The following AGAP1 variants were observed in gnomAD, a reference collection of about 807,000 sequenced individuals.
AGAP1 encodes arf-GAP with GTPase, ANK repeat and PH domain-containing protein 1.
A neutral mutation model predicts 105.3 loss-of-function variants in AGAP1; 29 were observed. That is an observed-to-expected ratio of 0.28 (90% CI 0.21 to 0.38). AGAP1 has a LOEUF of 0.38. AGAP1 is among the 10% of genes least tolerant of loss of function. The pLI, the probability that AGAP1 is intolerant of heterozygous loss-of-function variation, is 1.00. For synonymous variants in AGAP1, 509 were observed against 485.9 expected (o/e 1.05, Z -0.63); for missense variants, 998 against 1,165.1 (o/e 0.86, Z 2.09).
At position 235,720,570 on chromosome 2, in the gene AGAP1, T is replaced by G. The variant is rs968207308; in HGVS notation, c.310+2926T>G. 5.6e-6 allele frequency: 4 copies of G among 709,984 alleles called. No homozygotes were observed. Among genetic ancestry groups the G allele is most frequent in the Non-Finnish European group, 6.9e-6 (4 of 579,174 alleles). 44.0% of individuals were successfully genotyped at this position (709,984 alleles called of 1,614,324 possible). A position where few individuals can be genotyped will look rare whatever the true frequency, so the allele number is the denominator to read the frequency against. On this transcript the variant is annotated intron_variant, in intron 3 of 17. Coordinates refer to ENST00000304032, the MANE Select transcript of AGAP1 (RefSeq NM_001037131.3). The surrounding 1 kb of genome is among the most constrained non-coding windows in gnomAD (Gnocchi z 5.0). ...TGCTGCCTTCTCATCAGACCTCCTT[T>G]CCTCTTACAACTGCTAGAGCGATCA...
intron 11 of AGAP1, among the ~76,000 whole-genome samples, chr2:235,917,234 A>C (rs903221383): frequency 6.6e-6 from 1 of 151,710 alleles, no homozygotes; most frequent in African/African-American, 2.4e-5. Context: ...GTTGAAGCTG[A>C]TTTTCCAGGG....
In AGAP1 at chr2:235,714,218, G is replaced by C. The variant is rs1363140631; in HGVS notation, c.223-3339G>C. ...TTTAGTTGAGACAGGGTTTCACCAT[G>C]TTGGCCAGTCTGGTCTTGAACTCCT... is the stretch of plus-strand genomic sequence containing the variant. On this transcript the variant is annotated intron_variant, in intron 2 of 17. Transcript: ENST00000304032. The surrounding 1 kb of genome is among the most constrained non-coding windows in gnomAD (Gnocchi z 4.1). Among the ~76,000 whole-genome samples, 1 of 151,988 alleles carries C rather than the reference G, an allele frequency of 6.6e-6. No individual in the cohort carries two copies. Among genetic ancestry groups the C allele is most frequent in the African/African-American group, 2.4e-5 (1 of 41,392 alleles).
chr2:235,889,609 C>T lies in AGAP1; in HGVS notation c.1155+6160C>T, dbSNP rs2050434401. Among the ~76,000 whole-genome samples the T allele has an allele frequency of 6.6e-6, 1 of 151,078 alleles. No homozygotes were observed. The highest frequency in any genetic ancestry group is 1.5e-5 in the Non-Finnish European group (1 of 67,892). On this transcript the variant is annotated intron_variant, in intron 10 of 17. Coordinates refer to ENST00000304032, the MANE Select transcript of AGAP1 (RefSeq NM_001037131.3). This position sits in a 1 kb window ranked among gnomAD's most constrained non-coding sequence, Gnocchi z 4.6. ...TCCTTACATAGATTGTTTAGGAGACCAGTAATCCCTAGTTCCTTTGACTTG... is the reference window on the plus strand; with the variant it reads ...TCCTTACATAGATTGTTTAGGAGACTAGTAATCCCTAGTTCCTTTGACTTG...
At chr2:235,637,004 G>A (rs1947025803) in intron 1 of AGAP1, among the ~76,000 whole-genome samples, 1 of 152,122 alleles carries the variant, frequency 6.6e-6, no homozygotes, top group Admixed American at 6.5e-5. Flanking sequence ...GCCCCTAAAG[G>A]AACCCGCCCT....
In AGAP1 at chr2:236,036,606, A is replaced by G; in HGVS notation, c.1691A>G (p.Gln564Arg). 1.2e-6 allele frequency: 2 copies of G among 1,614,234 alleles called. No homozygotes were observed. Among genetic ancestry groups the G allele is most frequent in the African/African-American group, 1.3e-5 (1 of 75,064 alleles). ...TTTATCATTGTGTCCCTCACTGGCC[A>G]AACATGGCACTTTGAAGCCACGACG... ...FEFIIVSLTG[Q>R]TWHFEATTYE... The change falls in exon 14 of 18, where the codon CAA becomes CGA. Residue 564 changes from glutamine to arginine, a missense_variant. By Grantham distance (43) the Gln-to-Arg change is conservative. This residue lies in a region of AGAP1 where 735 missense variants were observed against 833.4 expected (regional missense o/e 0.88). Coordinates refer to ENST00000304032, the MANE Select transcript of AGAP1 (RefSeq NM_001037131.3). The surrounding 1 kb of genome is among the most constrained non-coding windows in gnomAD (Gnocchi z 5.7).
rs1468913761 is a variant in AGAP1, at chr2:236,078,120, G to T, written c.2114+28839G>T. On this transcript the variant is annotated intron_variant, in intron 16 of 17. Coordinates refer to ENST00000304032, the MANE Select transcript of AGAP1 (RefSeq NM_001037131.3). The surrounding 1 kb of genome is among the most constrained non-coding windows in gnomAD (Gnocchi z 5.3). The stretch of plus-strand genomic sequence containing the variant: ...GGCCAGCTGGTGTGTGTGTGCATGT[G>T]TGTAATCTGAAGTGTGTAGGGCAGG... Among the ~76,000 whole-genome samples the T allele has an allele frequency of 6.6e-6, 1 of 151,232 alleles. No individual in the cohort carries two copies. The highest frequency in any genetic ancestry group is 1.9e-4 in the East Asian group (1 of 5,156).
intron 1 of AGAP1, among the ~76,000 whole-genome samples, chr2:235,636,215 C>T (rs1259324235): frequency 6.6e-6 from 1 of 152,116 alleles, no homozygotes; most frequent in Non-Finnish European, 1.5e-5. Context: ...TTTCATCCAG[C>T]TTGGTTCTGG....
In AGAP1 at chr2:235,787,964, A is replaced by G. The variant is rs913566609; in HGVS notation, c.674-9795A>G. Among the ~76,000 whole-genome samples the G allele has an allele frequency of 2.6e-5, 4 of 152,176 alleles. No individual in the cohort carries two copies. Among genetic ancestry groups the G allele is most frequent in the African/African-American group, 7.2e-5 (3 of 41,432 alleles). On this transcript the variant is annotated intron_variant, in intron 6 of 17. Transcript: ENST00000304032. This position sits in a 1 kb window ranked among gnomAD's most constrained non-coding sequence, Gnocchi z 4.4. The stretch of plus-strand genomic sequence containing the variant: ...GCAAGGCCAAGAGCATTGTAAGACC[A>G]AGAGCATGACCATGAACATTCTGGG...
At chr2:235,975,915 A>T (rs2054840537) in intron 13 of AGAP1, among the ~76,000 whole-genome samples, 1 of 152,244 alleles carries the variant, frequency 6.6e-6, no homozygotes, top group Admixed American at 6.5e-5. Context: ...CTTATTAATT[A>T]AACTTCCTTA....
intron 11 of AGAP1, among the ~76,000 whole-genome samples, chr2:235,915,828 A>G (rs1349558714): frequency 1.3e-5 from 2 of 152,242 alleles, no homozygotes; most frequent in Non-Finnish European, 2.9e-5. Flanking sequence ...GCTAGAAGCA[A>G]GTAAGGATAT....
Position 236,131,727 on chromosome 2 carries a change from A to G in AGAP1, c.*7605A>G, listed in dbSNP as rs902286741. 6.6e-6 allele frequency: 1 copy of G among 152,174 alleles called. No individual in the cohort carries two copies. Among genetic ancestry groups the G allele is most frequent in the Non-Finnish European group, 1.5e-5 (1 of 68,038 alleles). 9.4% of individuals were successfully genotyped at this position (152,174 alleles called of 1,614,324 possible). ...GGGAAAAAGAAAAAGAAAGATGTGT[A>G]AAGTAACAGAGAGAGGTGGCTATGG... On this transcript the variant is annotated 3_prime_UTR_variant, in exon 18 of 18. Coordinates refer to ENST00000304032, the MANE Select transcript of AGAP1 (RefSeq NM_001037131.3). The surrounding 1 kb of genome is among the most constrained non-coding windows in gnomAD (Gnocchi z 5.9).
At chr2:235,534,414 T>C (rs1048472590) in intron 1 of AGAP1, among the ~76,000 whole-genome samples, 1 of 152,134 alleles carries the variant, frequency 6.6e-6, no homozygotes, top group African/African-American at 2.4e-5. Context: ...TTGGATTAAA[T>C]GTACACCTAA....
chr2:235,648,507 C>T (rs949497132), intron 1 of AGAP1, among the ~76,000 whole-genome samples: 4 of 152,084 alleles, frequency 2.6e-5, no homozygotes, highest in East Asian at 1.9e-4. Flanking sequence ...TTGTTCTTCC[C>T]GTGGAAAGAG....
At chr2:235,968,768 C>A in intron 13 of AGAP1, 145 bp downstream of exon 13, 1 of 795,668 alleles carries the variant, frequency 1.3e-6, no homozygotes, top group Non-Finnish European at 1.9e-6. Flanking sequence ...TGCAAGGTGG[C>A]ACGAGAGGGC....
In AGAP1 at chr2:235,553,053, C is replaced by T. The variant is rs1943863751; in HGVS notation, c.163+58204C>T. ...CTAGCTGGGTGGTTCCTCTGAGCCT[C>T]TGCTTTATTTCATCTGCAAGTAGCA... is the stretch of plus-strand genomic sequence containing the variant. On this transcript the variant is annotated intron_variant, in intron 1 of 17. Transcript: ENST00000304032. The surrounding 1 kb of genome is among the most constrained non-coding windows in gnomAD (Gnocchi z 4.5). 6.6e-6 allele frequency among the ~76,000 whole-genome samples: 1 copy of T among 152,198 alleles called. No individual in the cohort carries two copies. Among genetic ancestry groups the T allele is most frequent in the Non-Finnish European group, 1.5e-5 (1 of 68,042 alleles).
chr2:236,063,848 C>A (rs894204724), intron 16 of AGAP1, among the ~76,000 whole-genome samples: 2 of 152,216 alleles, frequency 1.3e-5, no homozygotes, highest in African/African-American at 4.8e-5. Flanking sequence ...ATAACTGATA[C>A]AAAATTTCAT....
Position 236,027,170 on chromosome 2 carries a change from G to A in AGAP1, c.1646-9391G>A, listed in dbSNP as rs1047924502. ...GTACTTATTTTTTTTAATCTTGGGA[G>A]GCAGAGAAAAGTCATATGGCAGATA... is the stretch of plus-strand genomic sequence containing the variant. On this transcript the variant is annotated intron_variant, in intron 13 of 17. Transcript: ENST00000304032. This position sits in a 1 kb window ranked among gnomAD's most constrained non-coding sequence, Gnocchi z 4.4. Among the ~76,000 whole-genome samples, 4 of 152,026 alleles carry A rather than the reference G, an allele frequency of 2.6e-5. No homozygotes were observed. Among genetic ancestry groups the A allele is most frequent in the Admixed American group, 1.3e-4 (2 of 15,264 alleles).
intron 1 of AGAP1, among the ~76,000 whole-genome samples, chr2:235,695,385 C>G (rs1014994785): frequency 1.3e-5 from 2 of 152,210 alleles, no homozygotes; most frequent in Non-Finnish European, 2.9e-5. Flanking sequence ...ATCCCCTACC[C>G]CCGTCCCTCA....
In AGAP1 at chr2:235,578,784, C is replaced by CAA. The variant is rs1216227916; in HGVS notation, c.163+83950_163+83951dup. Among the ~76,000 whole-genome samples, 756 of 117,842 alleles carry CAA rather than the reference C, an allele frequency of 6.4e-3. 10 individuals carry two copies. Among genetic ancestry groups the CAA allele is most frequent in the African/African-American group, 0.022 (704 of 32,014 alleles). The allele number at this position is 117,842 out of a possible 152,430, so 77.3% of individuals were successfully genotyped here. A position where few individuals can be genotyped will look rare whatever the true frequency, so the allele number is the denominator to read the frequency against. ...TGGGCAATACAGCGAGACTCAGTCT[C>CAA]AAAAAAAAAAAAAAAATTTTTTTTT... On this transcript the variant is annotated intron_variant, in intron 1 of 17. Transcript: ENST00000304032. This position sits in a 1 kb window ranked among gnomAD's most constrained non-coding sequence, Gnocchi z 4.9.
Sources: allele counts gnomAD v4.1 joint callset (sites outside exome capture counted in the v4.1 genomes callset), GRCh38; gene constraint gnomAD v4.1.1; regional missense constraint gnomAD v4.1.1; non-coding constraint Gnocchi (gnomAD v3.1); transcripts MANE v1.5; gene names NCBI Gene and HGNC (gene_info 2026-07-23, HGNC 2026-07-21).